LGSN: variants seen among roughly 807,000 people sequenced by gnomAD.
LGSN encodes lengsin, lens protein with glutamine synthetase domain.
In LGSN, 21 loss-of-function variants were observed where a neutral mutation model predicts 19.5. The ratio of observed to expected loss-of-function variants is 1.07; its 90% confidence interval spans 0.76 to 1.55. LGSN has a LOEUF of 1.55. Ranked by LOEUF, LGSN falls within the 40% of genes most tolerant of loss-of-function variation. The pLI is 0.00. For missense variants in LGSN, 673 were observed against 608.5 expected (o/e 1.11, Z -1.12); for synonymous variants, 257 against 215.6 (o/e 1.19, Z -1.68).
At chr6:63,320,981 C>T (rs187047904), upstream of LGSN, among the ~76,000 whole-genome samples, 1 of 152,270 alleles carries the variant, frequency 6.6e-6, no homozygotes, top group African/African-American at 2.4e-5. Flanking sequence ...AGCTTCTGCT[C>T]TGTGTAGCCT....
At chr6:63,569,006 C>G in the LGSN span, among the ~76,000 whole-genome samples, 3 of 152,138 alleles carry the variant, frequency 2.0e-5, no homozygotes, top group Non-Finnish European at 4.4e-5. Flanking sequence ...CACGTTTAAT[C>G]TATTATGGCA....
At chr6:63,341,267 G>A in the LGSN span, among the ~76,000 whole-genome samples, 23 of 152,130 alleles carry the variant, frequency 1.5e-4, no homozygotes, top group Non-Finnish European at 2.4e-4. Context: ...AGGGCCGGCC[G>A]ATCCTCAGGC....
At chr6:63,298,754 C>T (rs1271446826) in intron 1 of LGSN, among the ~76,000 whole-genome samples, 1 of 152,130 alleles carries the variant, frequency 6.6e-6, no homozygotes, top group Non-Finnish European at 1.5e-5. Flanking sequence ...TCCAAATAAA[C>T]AACACCAACA....
At chr6:63,435,869 T>A in the LGSN span, among the ~76,000 whole-genome samples, 1 of 150,718 alleles carries the variant, frequency 6.6e-6, no homozygotes, top group South Asian at 2.1e-4. Context: ...AGAATATGTA[T>A]GTGATTATAG....
chr6:63,430,824 A>G, the LGSN span, among the ~76,000 whole-genome samples: 1 of 152,196 alleles, frequency 6.6e-6, no homozygotes, highest in African/African-American at 2.4e-5. Context: ...ACAAACTATG[A>G]TCCACTGCCC....
At chr6:63,518,515 T>C in the LGSN span, among the ~76,000 whole-genome samples, 1 of 152,142 alleles carries the variant, frequency 6.6e-6, no homozygotes, top group African/African-American at 2.4e-5. Flanking sequence ...AATTCCTTCT[T>C]TGAGGTTGAG....
chr6:63,386,496 A>G, the LGSN span, among the ~76,000 whole-genome samples: 1 of 152,082 alleles, frequency 6.6e-6, no homozygotes, highest in South Asian at 2.1e-4. Context: ...CCTGTCTTTC[A>G]TATTTCCAAT....
the LGSN span, among the ~76,000 whole-genome samples, chr6:63,501,603 C>T: frequency 4.6e-5 from 7 of 151,934 alleles, no homozygotes; most frequent in African/African-American, 7.2e-5. Context: ...AAAAAAAGCG[C>T]TTGTTGTTTA....
At chr6:63,333,413 A>G in the LGSN span, among the ~76,000 whole-genome samples, 5 of 151,524 alleles carry the variant, frequency 3.3e-5, no homozygotes, top group South Asian at 1.1e-3. Context: ...TGGCACCAAA[A>G]CCAGGCAAAA....
the LGSN span, among the ~76,000 whole-genome samples, chr6:63,405,999 C>A: frequency 6.6e-6 from 1 of 152,086 alleles, no homozygotes; most frequent in Non-Finnish European, 1.5e-5. Context: ...TATATGCAGC[C>A]AACACAGGAG....
At chr6:63,491,613 A>T in the LGSN span, among the ~76,000 whole-genome samples, 81,059 of 151,688 alleles carry the variant, frequency 0.53, 23,442 homozygotes, top group African/African-American at 0.77. Flanking sequence ...CATATAATAA[A>T]TAATCAATAA....
the LGSN span, among the ~76,000 whole-genome samples, chr6:63,449,982 T>TGA: frequency 1.3e-5 from 2 of 152,032 alleles, no homozygotes; most frequent in East Asian, 1.9e-4. Flanking sequence ...AATGTGTGTG[T>TGA]GAGAGAGAGA....
At chr6:63,432,538 A>G in the LGSN span, among the ~76,000 whole-genome samples, 1 of 151,874 alleles carries the variant, frequency 6.6e-6, no homozygotes, top group African/African-American at 2.4e-5. Context: ...AAAAATACAA[A>G]AAAATTAGCC....
chr6:63,359,488 T>C, the LGSN span, among the ~76,000 whole-genome samples: 1 of 152,192 alleles, frequency 6.6e-6, no homozygotes, highest in South Asian at 2.1e-4. Context: ...TGGTAAGCTA[T>C]TAATTATTGC....
the LGSN span, among the ~76,000 whole-genome samples, chr6:63,372,871 T>C: frequency 6.6e-6 from 1 of 152,352 alleles, no homozygotes; most frequent in African/African-American, 2.4e-5. Flanking sequence ...TACTTAATTA[T>C]ATGTAGATTT....
the LGSN span, among the ~76,000 whole-genome samples, chr6:63,485,200 C>T: frequency 2.0e-5 from 3 of 152,058 alleles, 1 homozygote; most frequent in South Asian, 6.2e-4. Context: ...CTCTACCCTC[C>T]AATAGGCCCC....
chr6:63,477,996 T>G, the LGSN span, among the ~76,000 whole-genome samples: 1 of 152,138 alleles, frequency 6.6e-6, no homozygotes, highest in Non-Finnish European at 1.5e-5. Context: ...CTCCTCATCC[T>G]CCTCCTACTT....
chr6:63,323,651 T>A (rs1359048848), upstream of LGSN, among the ~76,000 whole-genome samples: 1 of 150,622 alleles, frequency 6.6e-6, no homozygotes, highest in Non-Finnish European at 1.5e-5. Context: ...ATAATAATAA[T>A]GGGCATTGTA....
the LGSN span, among the ~76,000 whole-genome samples, chr6:63,526,305 A>G: frequency 6.6e-6 from 1 of 152,026 alleles, no homozygotes; most frequent in Non-Finnish European, 1.5e-5. Context: ...AGCCTGGGTA[A>G]CAGAGCAAGA....
Sources: allele counts gnomAD v4.1 joint callset (sites outside exome capture counted in the v4.1 genomes callset), GRCh38; gene constraint gnomAD v4.1.1; transcripts MANE v1.5; gene names NCBI Gene and HGNC (gene_info 2026-07-23, HGNC 2026-07-21).